PAX3: variants seen among roughly 807,000 people sequenced by gnomAD.
PAX3 encodes paired box 3.
A neutral mutation model predicts 51.6 loss-of-function variants in PAX3; 14 were observed. That is an observed-to-expected ratio of 0.27 (90% CI 0.18 to 0.42). The LOEUF (loss-of-function observed/expected upper bound fraction) is 0.42, where lower values mean the gene tolerates loss of function less well. Ranked by LOEUF, PAX3 falls within the 10% of genes least tolerant of loss-of-function variation. The pLI, the probability that PAX3 is intolerant of heterozygous loss-of-function variation, is 1.00. For synonymous variants in PAX3, 280 were observed against 253.4 expected, an observed-to-expected ratio of 1.11 and a Z score of -1.00; for missense variants, 540 against 642.8, an observed-to-expected ratio of 0.84 and a Z score of 1.73.
chr2:222,292,570 G>A (rs778749106), intron 4 of PAX3, among the ~76,000 whole-genome samples: 18 of 152,210 alleles, frequency 1.2e-4, no homozygotes, highest in Admixed American at 2.6e-4. Flanking sequence ...GCAACAAGTA[G>A]CAAAGCCGTG....
At chr2:222,241,617 T>C (rs1693018581) in intron 4 of PAX3, among the ~76,000 whole-genome samples, 1 of 152,234 alleles carries the variant, frequency 6.6e-6, no homozygotes, top group Non-Finnish European at 1.5e-5. Context: ...TGCTGCATTA[T>C]AAGAGATAAA....
chr2:222,253,118 C>G (rs923031139), intron 4 of PAX3, among the ~76,000 whole-genome samples: 1 of 152,162 alleles, frequency 6.6e-6, no homozygotes, highest in African/African-American at 2.4e-5. Context: ...AAGCCAGAAG[C>G]AGCATGAAAG....
intron 5 of PAX3, among the ~76,000 whole-genome samples, chr2:222,228,142 T>G (rs144218159): frequency 4.2e-4 from 64 of 152,286 alleles, no homozygotes; most frequent in Non-Finnish European, 8.4e-4. Flanking sequence ...ACTCCCTTCT[T>G]TTTCCTGCTG....
rs61280457 is a variant in PAX3, at chr2:222,251,091, T to TTTTATTTATTTATTTA, written c.587-18824_587-18809dup. On this transcript the variant is annotated intron_variant, in intron 4 of 8. Transcript: ENST00000392070. ...ACTGTCAATACCCATCACAATACAT[T>TTTTATTTATTTATTTA]TTTATTTATTTATTTATTTATTTTT... is the stretch of plus-strand genomic sequence containing the variant. Among the ~76,000 whole-genome samples the TTTTATTTATTTATTTA allele has an allele frequency of 5.3e-5, 8 of 151,828 alleles. No individual in the cohort carries two copies. In the South Asian group the frequency reaches 1.0e-3, roughly 20 times the overall value.
chr2:222,267,665 C>T (rs909891302), intron 4 of PAX3, among the ~76,000 whole-genome samples: 4 of 151,988 alleles, frequency 2.6e-5, no homozygotes, highest in South Asian at 2.1e-4. Flanking sequence ...TTTGCAATGC[C>T]ACCAACGTGA....
intron 4 of PAX3, among the ~76,000 whole-genome samples, chr2:222,268,010 T>C (rs1694112764): frequency 6.6e-6 from 1 of 152,220 alleles, no homozygotes; most frequent in African/African-American, 2.4e-5. Context: ...AGGCCATAAC[T>C]TTTATATTAA....
chr2:222,213,879 A>G (rs1219421332), intron 7 of PAX3, among the ~76,000 whole-genome samples: 2 of 152,200 alleles, frequency 1.3e-5, no homozygotes, highest in Non-Finnish European at 2.9e-5. Flanking sequence ...AAACGTCCCA[A>G]AAAATTAGCT....
In PAX3 at chr2:222,200,836, T is replaced by C; in HGVS notation, c.*572A>G. 2.7e-6 allele frequency: 1 copy of C among 374,454 alleles called. No homozygotes were observed. Among genetic ancestry groups the C allele is most frequent in the Non-Finnish European group, 4.9e-6 (1 of 205,374 alleles). The allele number at this position is 374,454 out of a possible 1,614,324, so 23.2% of individuals were successfully genotyped here. On this transcript the variant is annotated 3_prime_UTR_variant, in exon 9 of 9. Transcript: ENST00000392070. ...GAGGTCCTTTACAGCTAGTCTAGCT[T>C]CCTAAAAATGGTTGCATTTATCTTT...
chr2:222,265,265 C>T (rs1342941282), intron 4 of PAX3: 2 of 152,204 alleles, frequency 1.3e-5, no homozygotes, highest in Admixed American at 1.3e-4. Context: ...CTGGGCAACG[C>T]CTAGTTTCTC....
intron 3 of PAX3, 124 bp downstream of exon 3, chr2:222,295,404 G>A (rs1695241507): frequency 1.7e-6 from 2 of 1,148,136 alleles, no homozygotes; most frequent in Non-Finnish European, 1.3e-6. Flanking sequence ...ATATTGCAGG[G>A]CCTCGGGAGA....
chr2:222,237,022 C>G (rs1473330469), intron 4 of PAX3, among the ~76,000 whole-genome samples: 1 of 152,042 alleles, frequency 6.6e-6, no homozygotes, highest in African/African-American at 2.4e-5. Context: ...TTATTAAAAC[C>G]CCTTTACAAT....
At chr2:222,243,836 A>G (rs143881849) in intron 4 of PAX3, among the ~76,000 whole-genome samples, 11 of 152,322 alleles carry the variant, frequency 7.2e-5, no homozygotes, top group Non-Finnish European at 1.0e-4. Flanking sequence ...AGAGGTAATA[A>G]CTGAACATAG....
intron 4 of PAX3, among the ~76,000 whole-genome samples, chr2:222,279,117 A>T (rs1694536753): frequency 6.6e-6 from 1 of 151,996 alleles, no homozygotes; most frequent in African/African-American, 2.4e-5. Context: ...AGCCTGGCTA[A>T]TTTTTGTATT....
chr2:222,236,958 T>G (rs1230416109), intron 4 of PAX3, among the ~76,000 whole-genome samples: 1 of 152,214 alleles, frequency 6.6e-6, no homozygotes, highest in African/African-American at 2.4e-5. Context: ...TGCAAAAAGA[T>G]GTAGATTTTA....
At chr2:222,238,867 G>A (rs1692897832) in intron 4 of PAX3, among the ~76,000 whole-genome samples, 1 of 152,182 alleles carries the variant, frequency 6.6e-6, no homozygotes, top group African/African-American at 2.4e-5. Context: ...TCTTTAACAG[G>A]TCAACTTGAA....
rs186231165 is a variant in PAX3, at chr2:222,266,771, C to T, written c.586+27396G>A. On this transcript the variant is annotated intron_variant, in intron 4 of 8. Transcript: ENST00000392070. ...AGGTGGGAGAGAAAATTCTCTTCCC[C>T]TATGATTTCAGAGAGCCACTGAAAC... Among the ~76,000 whole-genome samples the T allele has an allele frequency of 3.3e-5, 5 of 152,296 alleles. No individual in the cohort carries two copies. In the East Asian group the frequency reaches 9.6e-4, roughly 29 times the overall value.
intron 4 of PAX3, among the ~76,000 whole-genome samples, chr2:222,285,140 G>A (rs530704837): frequency 6.6e-6 from 1 of 152,262 alleles, no homozygotes; most frequent in Admixed American, 6.5e-5. Context: ...AAATGAATTG[G>A]ACCAATTAAT....
At chr2:222,240,928 A>T (rs1692990600) in intron 4 of PAX3, among the ~76,000 whole-genome samples, 1 of 152,204 alleles carries the variant, frequency 6.6e-6, no homozygotes, top group African/African-American at 2.4e-5. Flanking sequence ...AAAAGAGAGG[A>T]AAGTACACAA....
Position 222,295,646 on chromosome 2 carries a change from C to G in PAX3, c.333G>C (p.Thr111=), listed in dbSNP as rs1695256646. The change falls in exon 3 of 9, where the codon ACG becomes ACC. Residue 111 remains threonine (T), a synonymous_variant. Transcript: ENST00000392070. ...IGGSKPKQVT[T]PDVEKKIEEY... Reference sequence around the variant, plus strand: ...CCTCAATTTTCTTCTCCACGTCAGGCGTTGTCACCTGCTTTAAGAGAACAG... The same window carrying G: ...CCTCAATTTTCTTCTCCACGTCAGGGGTTGTCACCTGCTTTAAGAGAACAG... 3.7e-6 allele frequency: 6 copies of G among 1,614,178 alleles called. No homozygotes were observed. Among genetic ancestry groups the G allele is most frequent in the Non-Finnish European group, 4.2e-6 (5 of 1,180,034 alleles).
Sources: gnomAD v4.1 joint callset for allele counts (sites outside exome capture counted in the v4.1 genomes callset) on GRCh38, gnomAD v4.1.1 for gene constraint, MANE v1.5 for transcripts, NCBI Gene and HGNC (gene_info 2026-07-23, HGNC 2026-07-21) for gene names.